GRM7: variants seen among roughly 807,000 people sequenced by gnomAD.
The protein encoded by GRM7 is glutamate metabotropic receptor 7, also known as metabotropic glutamate receptor 7.
GRM7 carries 35 observed loss-of-function variants against 84.5 expected under a neutral mutation model. The ratio of observed to expected loss-of-function variants is 0.41; its 90% confidence interval spans 0.32 to 0.55. The LOEUF is 0.55. Among genes scored for constraint, GRM7 ranks in the 20% least tolerant of loss-of-function variants. The pLI is 0.19. For missense variants in GRM7, 1,003 were observed against 1,194.6 expected, an observed-to-expected ratio of 0.84 and a Z score of 2.36; for synonymous variants, 487 against 455.1, an observed-to-expected ratio of 1.07 and a Z score of -0.89.
chr3:7,402,817 T>G (rs1575282808), intron 4 of GRM7, among the ~76,000 whole-genome samples: 1 of 152,050 alleles, frequency 6.6e-6, no homozygotes, highest in South Asian at 2.1e-4. Context: ...TTTTTTTTTT[T>G]TTTAAGATTC....
chr3:7,259,207 A>T (rs2124954122), intron 2 of GRM7, among the ~76,000 whole-genome samples: 1 of 152,344 alleles, frequency 6.6e-6, no homozygotes, highest in East Asian at 1.9e-4. Flanking sequence ...TGATTGATAA[A>T]TTCACTACTT....
intron 8 of GRM7, among the ~76,000 whole-genome samples, chr3:7,630,698 G>T (rs1263270918): frequency 6.6e-6 from 1 of 152,140 alleles, no homozygotes; most frequent in African/African-American, 2.4e-5. Context: ...TTTATCAGAG[G>T]AAAGCATGAC....
rs141134664 is a variant in GRM7, at chr3:7,281,556, C to T, written c.737-17128C>T. Among the ~76,000 whole-genome samples, 923 of 152,234 alleles carry T rather than the reference C, an allele frequency of 6.1e-3. 10 individuals are homozygous for T. The highest frequency in any genetic ancestry group is 0.037 in the East Asian group (191 of 5,172). On this transcript the variant is annotated intron_variant, in intron 2 of 9. Transcript: ENST00000357716. ...GCAGCTAATCATTTTCCTTTTGTAA[C>T]TTCATGGGATTCCTTTTACTACAGT... is the stretch of plus-strand genomic sequence containing the variant.
At chr3:7,339,174 A>G (rs910559126) in intron 4 of GRM7, among the ~76,000 whole-genome samples, 43 of 152,114 alleles carry the variant, frequency 2.8e-4, no homozygotes, top group African/African-American at 9.9e-4. Flanking sequence ...CTCTAGAGAA[A>G]TCCACTTTAT....
intron 7 of GRM7, among the ~76,000 whole-genome samples, chr3:7,558,630 T>C (rs1693876377): frequency 6.6e-6 from 1 of 152,114 alleles, no homozygotes; most frequent in African/African-American, 2.4e-5. Context: ...ATAAGACAAT[T>C]AGGGGTCCAC....
rs568206708 is a variant in GRM7, at chr3:7,109,091, T to C, written c.520-37361T>C. ...AGTGTCCATGGCCGAGTGCTGAGCATAAAAGAGGCTGATATGAAATGAGAA... is the reference window on the plus strand; with the variant it reads ...AGTGTCCATGGCCGAGTGCTGAGCACAAAAGAGGCTGATATGAAATGAGAA... On this transcript the variant is annotated intron_variant, in intron 1 of 9. Transcript: ENST00000357716. Among the ~76,000 whole-genome samples, 244 of 152,186 alleles carry C rather than the reference T, an allele frequency of 1.6e-3. 1 individual carries two copies. Among genetic ancestry groups the C allele is most frequent in the African/African-American group, 5.4e-3 (226 of 41,558 alleles).
intron 3 of GRM7, among the ~76,000 whole-genome samples, chr3:7,304,301 A>G: frequency 2.5e-5 from 2 of 81,504 alleles, no homozygotes; most frequent in Non-Finnish European, 5.3e-5. Flanking sequence ...ATCATCCATC[A>G]TCCATCCTTT....
intron 2 of GRM7, among the ~76,000 whole-genome samples, chr3:7,223,130 C>T (rs1696865913): frequency 6.6e-6 from 1 of 151,942 alleles, no homozygotes; most frequent in South Asian, 2.1e-4. Context: ...TCCCTGTTAA[C>T]CTTGCCAATT....
Position 7,322,710 on chromosome 3 carries a change from C to A in GRM7, c.1033+16058C>A, listed in dbSNP as rs971675752. 2.0e-5 allele frequency among the ~76,000 whole-genome samples: 3 copies of A among 152,026 alleles called. No individual in the cohort carries two copies. The South Asian group carries it at 6.2e-4, about 31-fold the overall frequency. ...TTAGAATAATGGTCTCCAACTCCAT[C>A]CAGGTTGCTGACGATGCCATTATTT... On this transcript the variant is annotated intron_variant, in intron 4 of 9. Coordinates refer to ENST00000357716, the MANE Select transcript of GRM7 (RefSeq NM_000844.4).
intron 1 of GRM7, among the ~76,000 whole-genome samples, chr3:6,912,681 A>T (rs1242548235): frequency 6.6e-6 from 1 of 152,168 alleles, no homozygotes; most frequent in Non-Finnish European, 1.5e-5. Context: ...CTTATTGGAC[A>T]TAGATCTGAT....
At chr3:7,672,099 A>AT (rs150207787) in intron 8 of GRM7, among the ~76,000 whole-genome samples, 57 of 149,674 alleles carry the variant, frequency 3.8e-4, no homozygotes, top group East Asian at 1.2e-3. Flanking sequence ...GGGAAACAGT[A>AT]TTTTTTTTTT....
chr3:7,301,080 C>G (rs1699983037), intron 3 of GRM7, among the ~76,000 whole-genome samples: 1 of 152,142 alleles, frequency 6.6e-6, no homozygotes, highest in Non-Finnish European at 1.5e-5. Flanking sequence ...CATCTACATT[C>G]ATCCAGTTCT....
chr3:7,728,355 C>T (rs941996068), intron 9 of GRM7, among the ~76,000 whole-genome samples: 1 of 152,154 alleles, frequency 6.6e-6, no homozygotes, highest in Non-Finnish European at 1.5e-5. Flanking sequence ...TTTTCCAGTG[C>T]TTATATATGT....
At chr3:7,231,785 G>A (rs1467598570) in intron 2 of GRM7, among the ~76,000 whole-genome samples, 1 of 152,210 alleles carries the variant, frequency 6.6e-6, no homozygotes, top group East Asian at 1.9e-4. Flanking sequence ...AAGAGGCAGA[G>A]CTGGGTTTAA....
chr3:7,684,026 GTAACATCA>G (rs1700480917), intron 9 of GRM7, among the ~76,000 whole-genome samples: 1 of 152,072 alleles, frequency 6.6e-6, no homozygotes, highest in South Asian at 2.1e-4. Flanking sequence ...TAGGGAAAAA[GTAACATCA>G]TAGACAGCAA....
At chr3:7,285,085 CTG>C (rs1699382003) in intron 2 of GRM7, among the ~76,000 whole-genome samples, 1 of 152,074 alleles carries the variant, frequency 6.6e-6, no homozygotes, top group Admixed American at 6.6e-5. Flanking sequence ...CCATTTGCTT[CTG>C]TGTTGTCAAG....
intron 8 of GRM7, among the ~76,000 whole-genome samples, chr3:7,626,855 TTGTCA>T (rs1393186296): frequency 2.0e-5 from 3 of 152,054 alleles, no homozygotes; most frequent in African/African-American, 7.2e-5. Context: ...ATCAAATATT[TTGTCA>T]TGTCAAGACC....
At position 7,740,468 on chromosome 3, in the gene GRM7, G is replaced by T; in HGVS notation, c.*62G>T. The T allele has an allele frequency of 1.0e-6, 1 of 955,338 alleles. No individual in the cohort carries two copies. The highest frequency in any genetic ancestry group is 1.6e-6 in the Non-Finnish European group (1 of 625,834). The allele number at this position is 955,338 out of a possible 1,614,324, so 59.2% of individuals were successfully genotyped here. On this transcript the variant is annotated 3_prime_UTR_variant, in exon 10 of 10. Transcript: ENST00000357716. ...CCTCAGTTATTTTGTCACCCAACCT[G>T]GCATAGGACTCTTTGGTCCTACCCG...
chr3:7,234,101 A>G (rs1249809694), intron 2 of GRM7, among the ~76,000 whole-genome samples: 1 of 152,306 alleles, frequency 6.6e-6, no homozygotes, highest in Non-Finnish European at 1.5e-5. Flanking sequence ...TAACCAAAAA[A>G]GGAATGCTCA....
Sources: gnomAD v4.1 joint callset for allele counts (sites outside exome capture counted in the v4.1 genomes callset) on GRCh38, gnomAD v4.1.1 for gene constraint, MANE v1.5 for transcripts, NCBI Gene and HGNC (gene_info 2026-07-23, HGNC 2026-07-21) for gene names.